The following NBPF14 variants were observed in gnomAD, a reference collection of about 807,000 sequenced individuals.
NBPF14 encodes NBPF member 14, also known as NBPF family member NBPF14.
In NBPF14, 104 loss-of-function variants were observed where a neutral mutation model predicts 91.2. The ratio of observed to expected loss-of-function variants is 1.14; its 90% CI spans 0.97 to 1.34. The LOEUF (loss-of-function observed/expected upper bound fraction) is 1.34. Ranked by LOEUF, NBPF14 falls within the 40% of genes most tolerant of loss-of-function variation. The pLI is 0.00. For missense variants in NBPF14, 908 were observed against 783.0 expected (o/e 1.16, Z -1.91); for synonymous variants, 294 against 303.8 (o/e 0.97, Z 0.34).
At chr1:148,535,539 G>A (rs1170557981) in intron 67 of NBPF14, 35 bp from the exon 68 acceptor site, 75 of 344,234 alleles carry the variant, frequency 2.2e-4, no homozygotes, top group South Asian at 1.6e-3. Flanking sequence ...GACATATTAA[G>A]CTGGTTCTCC....
intron 68 of NBPF14, 98 bp downstream of exon 68, chr1:148,535,355 C>T (rs1456904774): frequency 1.2e-5 from 7 of 574,558 alleles, no homozygotes; most frequent in African/African-American, 4.2e-5. Flanking sequence ...ATTCAACCTT[C>T]GCTGAAAACA....
exon 21 of NBPF14, chr1:148,572,480 C>G: frequency 1.8e-6 from 1 of 558,386 alleles, no homozygotes; most frequent in Non-Finnish European, 3.1e-6. Context: ...ACTGTTCCTC[C>G]AATGAGTAAA....
At chr1:148,576,010 G>T (rs1465504049) in intron 16 of NBPF14, among the ~76,000 whole-genome samples, 199 bp from the exon 17 acceptor site, 1 of 146,542 alleles carries the variant, frequency 6.8e-6, no homozygotes, top group Non-Finnish European at 1.5e-5. Context: ...ACAGGGAGAG[G>T]GAGAGAGAGA....
At chr1:148,559,723 T>A in intron 37 of NBPF14, 70 bp downstream of exon 37, 1 of 819,836 alleles carries the variant, frequency 1.2e-6, no homozygotes, top group Non-Finnish European at 2.0e-6. Context: ...TAAGGGCCAC[T>A]TGCAGTAGGA....
chr1:148,533,152 A>G, exon 71 of NBPF14: 2 of 753,014 alleles, frequency 2.7e-6, no homozygotes, highest in Non-Finnish European at 3.9e-6. Flanking sequence ...GGAATGAGTC[A>G]GGTAGTTCAA....
Position 148,561,776 on chromosome 1 carries a change from G to GAT in NBPF14, c.4275-198_4275-197insAT, listed in dbSNP as rs1466412724. On this transcript the variant is annotated intron_variant, in intron 34 of 70. Coordinates refer to ENST00000619423, the Ensembl canonical transcript of NBPF14. ...AAAGAATGAAAGAGAAAGACAGATAGACACACACACACACACACACACACA... is the reference window on the plus strand; with the variant it reads ...AAAGAATGAAAGAGAAAGACAGATAGATACACACACACACACACACACACACA... 1.7e-4 allele frequency among the ~76,000 whole-genome samples: 19 copies of GAT among 114,342 alleles called. No homozygotes were observed. The East Asian group carries it at 5.1e-3, about 31-fold the overall frequency. 75.0% of individuals were successfully genotyped at this position (114,342 alleles called of 152,430 possible). A position where few individuals can be genotyped will look rare whatever the true frequency, so the allele number is the denominator to read the frequency against.
At chr1:148,532,355 A>G (rs1229748204) in exon 71 of NBPF14, 1 of 161,618 alleles carries the variant, frequency 6.2e-6, no homozygotes, top group Non-Finnish European at 1.4e-5. Flanking sequence ...CCTGACCTCT[A>G]CAGGATGGAA....
At chr1:148,534,186 T>A (rs1309367655) in intron 69 of NBPF14, among the ~76,000 whole-genome samples, 2 of 150,018 alleles carry the variant, frequency 1.3e-5, no homozygotes, top group African/African-American at 2.5e-5. Context: ...TTCTAGTAGA[T>A]CGTTATCCCA....
chr1:148,566,590 C>T (rs1407399688), intron 28 of NBPF14, among the ~76,000 whole-genome samples: 1 of 142,598 alleles, frequency 7.0e-6, no homozygotes, highest in African/African-American at 2.5e-5. Flanking sequence ...GTCCAGGTGA[C>T]ACACTGATGA....
exon 41 of NBPF14, chr1:148,556,747 C>T (rs1466505135): frequency 0.013 from 1,970 of 154,076 alleles, 1 homozygote; most frequent in East Asian, 0.098. Flanking sequence ...AAGGAACTTC[C>T]ATAGGGCTGG....
rs1274421896 is a variant in NBPF14, at chr1:148,559,772, C to A, written c.4729+21G>T. On this transcript the variant is annotated intron_variant, in intron 37 of 70. Coordinates refer to ENST00000619423, the Ensembl canonical transcript of NBPF14. ...CAGAAGACTCAGTGGATCCTTATCA[C>A]CTTCATAGAAAGGTACTCACCATCC... 6.5e-6 allele frequency: 9 copies of A among 1,394,064 alleles called. No individual in the cohort carries two copies. The East Asian group carries it at 1.0e-4, about 16-fold the overall frequency. The allele number at this position is 1,394,064 out of a possible 1,614,324, so 86.4% of individuals were successfully genotyped here. A position where few individuals can be genotyped will look rare whatever the true frequency, so the allele number is the denominator to read the frequency against.
intron 6 of NBPF14, among the ~76,000 whole-genome samples, chr1:148,589,842 C>A (rs1662156241): frequency 6.7e-6 from 1 of 148,266 alleles, no homozygotes. Context: ...AAGCGATTCT[C>A]ATCCCTCAGC....
Position 148,533,778 on chromosome 1 carries a change from C to G in NBPF14, c.8723+83G>C, listed in dbSNP as rs797039629. ...AATTCAGCCTTTGTTGAAAATATGA[C>G]ATCAAACACACTCTGGTTTCCCTGA... On this transcript the variant is annotated intron_variant, in intron 70 of 70. Transcript: ENST00000619423. 256 of 763,492 alleles carry G rather than the reference C, an allele frequency of 3.4e-4. 3 individuals carry two copies. Among genetic ancestry groups the G allele is most frequent in the Non-Finnish European group, 6.9e-5 (29 of 417,978 alleles). The allele number at this position is 763,492 out of a possible 1,614,324, so 47.3% of individuals were successfully genotyped here.
At chr1:148,535,397 C>A in intron 68 of NBPF14, 56 bp downstream of exon 68, 2 of 505,282 alleles carry the variant, frequency 4.0e-6, no homozygotes, top group Non-Finnish European at 6.8e-6. Flanking sequence ...TTTCCCTGGA[C>A]CTGGCATCTC....
At chr1:148,559,374 A>G (rs1378264363) in intron 37 of NBPF14, among the ~76,000 whole-genome samples, 2 of 132,208 alleles carry the variant, frequency 1.5e-5, no homozygotes, top group South Asian at 2.6e-4. Flanking sequence ...TTGCCCCCAA[A>G]TGGTTGCTAG....
chr1:148,534,437 T>A lies in NBPF14; in HGVS notation c.8614+247A>T, dbSNP rs1258155309. Among the ~76,000 whole-genome samples the A allele has an allele frequency of 2.2e-4, 34 of 151,842 alleles. No individual in the cohort carries two copies. The South Asian group carries it at 6.2e-3, about 28-fold the overall frequency. The stretch of plus-strand genomic sequence containing the variant: ...ATTTGTCACATCTGCCCAGGTCCAA[T>A]GTCATGAGAATAGGATCAGGGCGCC... On this transcript the variant is annotated intron_variant, in intron 69 of 70. Coordinates refer to ENST00000619423, the Ensembl canonical transcript of NBPF14.
chr1:148,588,135 A>T (rs1553795383), intron 7 of NBPF14, among the ~76,000 whole-genome samples: 14 of 76,952 alleles, frequency 1.8e-4, no homozygotes, highest in East Asian at 3.6e-4. Context: ...ACAGGTGAGG[A>T]AACTGAGGGA....
chr1:148,590,356 C>T lies in NBPF14; in HGVS notation c.778+401G>A, dbSNP rs1189360127. On this transcript the variant is annotated intron_variant, in intron 6 of 70. Transcript: ENST00000619423. ...ACAGGTGTGACCCACTGCTCCCAGC[C>T]GAGACTTATTAATAGCTAAGACAAG... Among the ~76,000 whole-genome samples the T allele has an allele frequency of 1.1e-3, 158 of 143,808 alleles. 14 individuals are homozygous for T. The highest frequency in any genetic ancestry group is 3.7e-3 in the Middle Eastern group (1 of 272). The allele number at this position is 143,808 out of a possible 152,430, so 94.3% of individuals were successfully genotyped here. A position where few individuals can be genotyped will look rare whatever the true frequency, so the allele number is the denominator to read the frequency against.
At chr1:148,586,908 G>A (rs1208365930) in intron 8 of NBPF14, among the ~76,000 whole-genome samples, 4 of 143,682 alleles carry the variant, frequency 2.8e-5, no homozygotes, top group Admixed American at 7.0e-5. Context: ...ACAGGGTCGA[G>A]GAGGCAACAT....
Sources: allele counts gnomAD v4.1 joint callset (sites outside exome capture counted in the v4.1 genomes callset), GRCh38; gene constraint gnomAD v4.1.1; transcripts MANE v1.5; gene names NCBI Gene and HGNC (gene_info 2026-07-23, HGNC 2026-07-21).